DKK2: variants seen among roughly 807,000 people sequenced by gnomAD.
DKK2 encodes the protein dickkopf Wnt signaling pathway inhibitor 2, also known as dickkopf-related protein 2.
A neutral mutation model predicts 28.1 loss-of-function variants in DKK2; 11 were observed. The observed-to-expected ratio is 0.39, with a 90% CI of 0.25 to 0.65. The LOEUF (loss-of-function observed/expected upper bound fraction) is 0.65. Ranked by LOEUF, DKK2 falls within the 30% of genes least tolerant of loss-of-function variation. The pLI, the probability that DKK2 is intolerant of heterozygous loss-of-function variation, is 0.47. For synonymous variants in DKK2, 135 were observed against 126.5 expected (o/e 1.07, Z -0.45); for missense variants, 326 against 335.5 (o/e 0.97, Z 0.22).
chr4:106,972,421 T>TA (rs71590172), intron 1 of DKK2, among the ~76,000 whole-genome samples: 32,446 of 138,108 alleles, frequency 0.23, 3,696 homozygotes, highest in East Asian at 0.43. Flanking sequence ...AATGAAAATC[T>TA]AAAAAAAAAA....
Position 106,923,864 on chromosome 4 carries a change from T to G in DKK2, c.*90A>C. ...ATCACGTTTCTTATTTTAGCCATTC[T>G]TCTGCATCTGAACCTTATTTTCCAC... On this transcript the variant is annotated 3_prime_UTR_variant, in exon 4 of 4. Coordinates refer to ENST00000285311, the MANE Select transcript of DKK2 (RefSeq NM_014421.3). 6.6e-7 allele frequency: 1 copy of G among 1,519,804 alleles called. No homozygotes were observed. Among genetic ancestry groups the G allele is most frequent in the Non-Finnish European group, 8.9e-7 (1 of 1,121,522 alleles). The allele number at this position is 1,519,804 out of a possible 1,614,324, so 94.1% of individuals were successfully genotyped here.
At chr4:106,943,726 T>A (rs562600148) in intron 1 of DKK2, among the ~76,000 whole-genome samples, 1 of 152,210 alleles carries the variant, frequency 6.6e-6, no homozygotes, top group African/African-American at 2.4e-5. Context: ...ATCATGTTTT[T>A]CATCTGTAAA....
intron 1 of DKK2, among the ~76,000 whole-genome samples, chr4:107,021,605 C>T (rs1165361273): frequency 6.6e-6 from 1 of 152,002 alleles, no homozygotes; most frequent in Non-Finnish European, 1.5e-5. Flanking sequence ...TTGAGGTTAC[C>T]GCCGATTCCT....
chr4:106,988,813 G>A (rs1342755127), intron 1 of DKK2, among the ~76,000 whole-genome samples: 2 of 152,158 alleles, frequency 1.3e-5, no homozygotes, highest in Non-Finnish European at 2.9e-5. Flanking sequence ...AAGGGTCAAC[G>A]GCTTTTGTTC....
chr4:106,976,312 G>A (rs980456403), intron 1 of DKK2, among the ~76,000 whole-genome samples: 7 of 152,092 alleles, frequency 4.6e-5, no homozygotes, highest in African/African-American at 1.2e-4. Flanking sequence ...TTTCTGACTC[G>A]TCGATCTGTC....
chr4:106,970,381 G>C (rs75314861), intron 1 of DKK2, among the ~76,000 whole-genome samples: 1 of 152,016 alleles, frequency 6.6e-6, no homozygotes, highest in Non-Finnish European at 1.5e-5. Flanking sequence ...CTAGAGGTAT[G>C]GTGAGATGAA....
chr4:106,964,374 G>A (rs186953120), intron 1 of DKK2, among the ~76,000 whole-genome samples: 2 of 152,180 alleles, frequency 1.3e-5, no homozygotes, highest in East Asian at 3.9e-4. Context: ...GGGAGAGCAG[G>A]ATAAAGAAGA....
At chr4:106,963,898 A>G (rs1013881519) in intron 1 of DKK2, among the ~76,000 whole-genome samples, 2 of 152,184 alleles carry the variant, frequency 1.3e-5, no homozygotes, top group Admixed American at 1.3e-4. Flanking sequence ...CTGCATATGT[A>G]TACCCGGTTT....
At chr4:107,004,087 A>T (rs946981052) in intron 1 of DKK2, among the ~76,000 whole-genome samples, 2 of 152,232 alleles carry the variant, frequency 1.3e-5, no homozygotes, top group Non-Finnish European at 2.9e-5. Context: ...AGAATCAATA[A>T]AATAGAATGC....
intron 1 of DKK2, among the ~76,000 whole-genome samples, chr4:106,938,589 G>A (rs989294675): frequency 6.0e-4 from 91 of 152,256 alleles, no homozygotes; most frequent in Non-Finnish European, 1.1e-3. Flanking sequence ...GAAAAAGAGG[G>A]AATCCTCCCT....
At chr4:106,945,709 C>A (rs1471374786) in intron 1 of DKK2, among the ~76,000 whole-genome samples, 1 of 152,108 alleles carries the variant, frequency 6.6e-6, no homozygotes, top group African/African-American at 2.4e-5. Flanking sequence ...TTGTTCACTG[C>A]TGAGTCCTCA....
chr4:107,018,449 A>G (rs1262747374), intron 1 of DKK2, among the ~76,000 whole-genome samples: 1 of 152,078 alleles, frequency 6.6e-6, no homozygotes, highest in East Asian at 1.9e-4. Context: ...CTCTTATTTT[A>G]AAATAAACAA....
intron 1 of DKK2, among the ~76,000 whole-genome samples, chr4:107,028,031 C>T (rs1007475216): frequency 1.3e-5 from 2 of 152,126 alleles, no homozygotes; most frequent in Non-Finnish European, 2.9e-5. Flanking sequence ...GGATTACAGG[C>T]GTGAGCCACC....
intron 1 of DKK2, among the ~76,000 whole-genome samples, chr4:106,953,306 T>C (rs1722518902): frequency 6.6e-6 from 1 of 152,180 alleles, no homozygotes; most frequent in Non-Finnish European, 1.5e-5. Context: ...GAGTGGGTAA[T>C]TGGATTTCAC....
intron 1 of DKK2, among the ~76,000 whole-genome samples, chr4:107,014,781 A>G (rs953446077): frequency 6.6e-6 from 1 of 151,456 alleles, no homozygotes; most frequent in Admixed American, 6.6e-5. Context: ...TTATGTCTCA[A>G]TTAGTCAATT....
chr4:106,923,999 G>A lies in DKK2; in HGVS notation c.735C>T (p.Ala245=), dbSNP rs1724386059. ...KGLSCKVWKD[A]TYSSKARLHV... is the part of the protein sequence containing the mutation. ...GGAGTCTGGCTTTGGAGGAGTAGGT[G>A]GCATCTTTCCATACTTTGCAAGACA... The change falls in exon 4 of 4, where the codon GCC becomes GCT. Residue 245 remains alanine (A), a synonymous_variant. Coordinates refer to ENST00000285311, the MANE Select transcript of DKK2 (RefSeq NM_014421.3). 6.2e-7 allele frequency: 1 copy of A among 1,613,820 alleles called. No homozygotes were observed. Among genetic ancestry groups the A allele is most frequent in the Non-Finnish European group, 8.5e-7 (1 of 1,179,898 alleles).
At chr4:106,957,707 A>C (rs896898472) in intron 1 of DKK2, among the ~76,000 whole-genome samples, 2 of 137,984 alleles carry the variant, frequency 1.4e-5, no homozygotes, top group African/African-American at 2.7e-5. Context: ...GAACAATGAG[A>C]ACACATGGAC....
chr4:107,035,273 C>T (rs1267414973), intron 1 of DKK2, 97 bp downstream of exon 1: 8 of 1,397,188 alleles, frequency 5.7e-6, no homozygotes, highest in South Asian at 1.3e-5. Context: ...TCTGGGGCCA[C>T]GCTCCGAATG....
At chr4:107,010,268 C>T (rs1301569776) in intron 1 of DKK2, among the ~76,000 whole-genome samples, 3 of 151,612 alleles carry the variant, frequency 2.0e-5, no homozygotes, top group Admixed American at 6.6e-5. Flanking sequence ...TCCAGTGATT[C>T]CCCTTTAAAG....
Sources: allele counts gnomAD v4.1 joint callset (sites outside exome capture counted in the v4.1 genomes callset), GRCh38; gene constraint gnomAD v4.1.1; transcripts MANE v1.5; gene names NCBI Gene and HGNC (gene_info 2026-07-23, HGNC 2026-07-21).